The following DUSP22 variants were observed in gnomAD, a reference collection of about 807,000 sequenced individuals.
DUSP22 encodes the protein dual specificity protein phosphatase 22.
A neutral mutation model predicts 24.5 loss-of-function variants in DUSP22; 24 were observed. That is an observed-to-expected ratio of 0.98 (90% CI 0.71 to 1.38). The LOEUF (loss-of-function observed/expected upper bound fraction) is 1.38. DUSP22 is among the 40% of genes most tolerant of loss of function. The pLI is 0.00. For synonymous variants in DUSP22, 160 were observed against 106.4 expected (o/e 1.50, Z -3.10); for missense variants, 330 against 269.2 (o/e 1.23, Z -1.58).
In DUSP22 at chr6:351,208, G is replaced by A; in HGVS notation, c.*2257G>A. The stretch of plus-strand genomic sequence containing the variant: ...AAGGACGAGCCCAGTGTAGTTGTGT[G>A]GCGTGAACTCTGCCCGTGTGTTCTC... On this transcript the variant is annotated 3_prime_UTR_variant, in exon 7 of 7. Transcript: ENST00000419235. 3.0e-6 allele frequency: 1 copy of A among 337,920 alleles called. No homozygotes were observed. The allele number at this position is 337,920 out of a possible 1,614,324, so 20.9% of individuals were successfully genotyped here. A position where few individuals can be genotyped will look rare whatever the true frequency, so the allele number is the denominator to read the frequency against.
At chr6:308,550 G>A (rs917156270) in intron 2 of DUSP22, among the ~76,000 whole-genome samples, 1 of 152,312 alleles carries the variant, frequency 6.6e-6, no homozygotes, top group Non-Finnish European at 1.5e-5. Context: ...GTGCTTCCCT[G>A]TGCTTTGGAG....
intron 2 of DUSP22, among the ~76,000 whole-genome samples, chr6:311,131 T>C: frequency 6.6e-6 from 1 of 152,420 alleles, no homozygotes; most frequent in Middle Eastern, 3.4e-3. Flanking sequence ...CATTGGTTTA[T>C]AGAAATAACA....
Position 348,972 on chromosome 6 carries a change from C to A in DUSP22, c.*21C>A, listed in dbSNP as rs755153367. On this transcript the variant is annotated 3_prime_UTR_variant, in exon 7 of 7. Transcript: ENST00000419235. ...CCTAACGCAAGCGACCTGCTGCCTT[C>A]CTTCCCACTGCTTGTCTTCAGTGTG... The A allele has an allele frequency of 6.4e-6, 10 of 1,562,670 alleles. No homozygotes were observed. Among genetic ancestry groups the A allele is most frequent in the Non-Finnish European group, 8.7e-6 (10 of 1,153,270 alleles).
rs569570436 is a variant in DUSP22, at chr6:349,318, G to T, written c.*367G>T. 9.0e-7 allele frequency: 1 copy of T among 1,108,996 alleles called. No homozygotes were observed. The allele number at this position is 1,108,996 out of a possible 1,614,324, so 68.7% of individuals were successfully genotyped here. A position where few individuals can be genotyped will look rare whatever the true frequency, so the allele number is the denominator to read the frequency against. On this transcript the variant is annotated 3_prime_UTR_variant, in exon 7 of 7. Coordinates refer to ENST00000419235, the MANE Select transcript of DUSP22 (RefSeq NM_001286555.3). ...GTACATGTGTGTATGTTGTGAAAGT[G>T]TCTGTGCACATGAATGTTTGTGTGT... is the stretch of plus-strand genomic sequence containing the variant.
chr6:310,228 CG>C (rs1381374993), intron 2 of DUSP22, among the ~76,000 whole-genome samples: 1 of 152,302 alleles, frequency 6.6e-6, no homozygotes, highest in East Asian at 1.9e-4. Flanking sequence ...CCCAAAGTTC[CG>C]GGATTACAGG....
intron 4 of DUSP22, among the ~76,000 whole-genome samples, chr6:340,614 T>A (rs1243651755): frequency 6.6e-6 from 1 of 152,310 alleles, no homozygotes; most frequent in Non-Finnish European, 1.5e-5. Context: ...CTTGCCTTTT[T>A]TGGATTTGTC....
At chr6:347,668 A>G (rs1050080343) in intron 5 of DUSP22, among the ~76,000 whole-genome samples, 9 of 152,424 alleles carry the variant, frequency 5.9e-5, no homozygotes, top group East Asian at 3.9e-4. Context: ...TAGCCCTCAT[A>G]TAGCTGAGAA....
At position 345,933 on chromosome 6, in the gene DUSP22, G is replaced by C. The variant is rs376941361; in HGVS notation, c.263+5G>C. ...TGAGAGCTGCCTTGTACACTGGTAC[G>C]TGTGTCTCTTGCTTAATAGCGCCTT... On this transcript the variant is annotated splice_donor_5th_base_variant and intron_variant, in intron 5 of 6. Coordinates refer to ENST00000419235, the MANE Select transcript of DUSP22 (RefSeq NM_001286555.3). 4 of 1,614,032 alleles carry C rather than the reference G, an allele frequency of 2.5e-6. No homozygotes were observed. The highest frequency in any genetic ancestry group is 2.5e-6 in the Non-Finnish European group (3 of 1,179,972).
chr6:298,254 ATG>A (rs1327342565), intron 1 of DUSP22, among the ~76,000 whole-genome samples: 1 of 115,424 alleles, frequency 8.7e-6, no homozygotes, highest in Non-Finnish European at 1.7e-5. Context: ...GGTTAAGTCC[ATG>A]GCCAAATGGC....
chr6:292,964 C>A (rs1413837873), intron 1 of DUSP22, among the ~76,000 whole-genome samples: 1 of 152,292 alleles, frequency 6.6e-6, no homozygotes, highest in East Asian at 1.9e-4. Context: ...CATTAGTAAA[C>A]GGGTGTCCTC....
rs557768381 is a variant in DUSP22 at position 335,167 on chromosome 6, A to G, written c.188+4A>G. On this transcript the variant is annotated splice_donor_region_variant and intron_variant, in intron 4 of 6. Coordinates refer to ENST00000419235, the MANE Select transcript of DUSP22 (RefSeq NM_001286555.3). ...CGGATTCACCATCTCAAAACCTGTA[A>G]GTTTCTTATTTCTGTATTATTTGGA... 2 of 1,613,688 alleles carry G rather than the reference A, an allele frequency of 1.2e-6. No homozygotes were observed. Among genetic ancestry groups the G allele is most frequent in the South Asian group, 1.1e-5 (1 of 91,060 alleles).
At position 348,262 on chromosome 6, in the gene DUSP22, T is replaced by C. The variant is rs751150720; in HGVS notation, c.423T>C (p.His141=). Residue 141 remains histidine, a synonymous_variant, in exon 6 of 7, where the codon CAT becomes CAC. Transcript: ENST00000419235. ...GACAGCTCCAGGAGTTTGAGAAGCA[T>C]GAGGTCCATCAGGTAAGCAGTTCTT... ...FQRQLQEFEK[H]EVHQYRQWLK... 5.2e-5 allele frequency: 84 copies of C among 1,614,152 alleles called. No individual in the cohort carries two copies. The highest frequency in any genetic ancestry group is 7.1e-5 in the Non-Finnish European group (84 of 1,180,036).
intron 1 of DUSP22, among the ~76,000 whole-genome samples, chr6:298,492 A>G (rs1337193973): frequency 8.5e-5 from 13 of 152,300 alleles, no homozygotes; most frequent in African/African-American, 3.1e-4. Context: ...GAAGGACTAA[A>G]ATAAATGTTT....
At chr6:323,230 G>T (rs1455531675) in intron 3 of DUSP22, among the ~76,000 whole-genome samples, 1 of 137,868 alleles carries the variant, frequency 7.3e-6, no homozygotes, top group Admixed American at 7.6e-5. Flanking sequence ...TGTTTTAAAG[G>T]CGTGTGTGCA....
chr6:293,285 C>T (rs1213961056), intron 1 of DUSP22, among the ~76,000 whole-genome samples: 2 of 152,300 alleles, frequency 1.3e-5, no homozygotes, highest in Non-Finnish European at 1.5e-5. Context: ...TAGCCTTTCC[C>T]GTCCAGGGAA....
At chr6:332,085 C>T (rs1437300456) in intron 3 of DUSP22, among the ~76,000 whole-genome samples, 2 of 152,308 alleles carry the variant, frequency 1.3e-5, no homozygotes, top group African/African-American at 4.8e-5. Flanking sequence ...TCTTTGTGTT[C>T]ATTGTTCTCA....
intron 2 of DUSP22, among the ~76,000 whole-genome samples, chr6:305,976 C>A (rs1227437294): frequency 6.6e-6 from 1 of 152,304 alleles, no homozygotes; most frequent in Non-Finnish European, 1.5e-5. Context: ...ACACCCGTAT[C>A]CCCCCAGCTC....
chr6:333,601 T>C (rs1297621285), intron 3 of DUSP22, among the ~76,000 whole-genome samples: 9 of 152,416 alleles, frequency 5.9e-5, no homozygotes, highest in Admixed American at 2.0e-4. Context: ...AAACAGCTTT[T>C]ACTAAGAGAG....
At chr6:313,947 A>C (rs541199271) in intron 3 of DUSP22, among the ~76,000 whole-genome samples, 261 of 152,320 alleles carry the variant, frequency 1.7e-3, no homozygotes, top group African/African-American at 6.1e-3. Flanking sequence ...CCTGGGGCAC[A>C]AAGGCAGTCT....
Sources: allele counts gnomAD v4.1 joint callset (sites outside exome capture counted in the v4.1 genomes callset), GRCh38; gene constraint gnomAD v4.1.1; transcripts MANE v1.5; gene names NCBI Gene and HGNC (gene_info 2026-07-23, HGNC 2026-07-21).